PDLIM3: variants seen among roughly 807,000 people sequenced by gnomAD.
The protein encoded by PDLIM3 is PDZ and LIM domain protein 3.
Under a neutral mutation model 37.3 loss-of-function variants are expected in PDLIM3, and 36 were observed. That is an observed-to-expected ratio of 0.97 (90% CI 0.74 to 1.28). The LOEUF is 1.28. Ranked by LOEUF, PDLIM3 falls within the 50% of genes most tolerant of loss-of-function variation. The pLI is 0.00. For synonymous variants in PDLIM3, 174 were observed against 182.4 expected, an observed-to-expected ratio of 0.95 and a Z score of 0.37; for missense variants, 454 against 485.0, an observed-to-expected ratio of 0.94 and a Z score of 0.60.
chr4:185,523,180 C>T (rs1353970695), intron 3 of PDLIM3, 182 bp downstream of exon 3: 1 of 573,698 alleles, frequency 1.7e-6, no homozygotes, highest in African/African-American at 1.9e-5. Flanking sequence ...CACATAGGAA[C>T]ACTTCTTTTT....
Position 185,504,865 on chromosome 4 carries a change from A to G in PDLIM3, c.794-279T>C, listed in dbSNP as rs746133411. Among the ~76,000 whole-genome samples, 1 of 152,242 alleles carries G rather than the reference A, an allele frequency of 6.6e-6. No homozygotes were observed. Among genetic ancestry groups the G allele is most frequent in the Non-Finnish European group, 1.5e-5 (1 of 68,034 alleles). On this transcript the variant is annotated intron_variant, in intron 6 of 7. Transcript: ENST00000284767. This position sits in a 1 kb window ranked among gnomAD's most constrained non-coding sequence, Gnocchi z 4.7. ...TATTTTTTATTGTAGCAAAATATAC[A>G]TAAAATTTACCATTTTCACCATGGT...
At position 185,501,610 on chromosome 4, in the gene PDLIM3, A is replaced by C. The variant is rs1449712093; in HGVS notation, c.*684T>G. On this transcript the variant is annotated 3_prime_UTR_variant, in exon 8 of 8. Coordinates refer to ENST00000284767, the MANE Select transcript of PDLIM3 (RefSeq NM_014476.6). Reference sequence around the variant, plus strand: ...TATCATCAGAAATTTTGTGCTCATAAGAAAGAGTAATGAGTTATAAAACCT... The same window carrying C: ...TATCATCAGAAATTTTGTGCTCATACGAAAGAGTAATGAGTTATAAAACCT... 1 of 152,394 alleles carries C rather than the reference A, an allele frequency of 6.6e-6. No individual in the cohort carries two copies. Among genetic ancestry groups the C allele is most frequent in the Non-Finnish European group, 1.5e-5 (1 of 68,168 alleles). The allele number at this position is 152,394 out of a possible 1,614,324, so 9.4% of individuals were successfully genotyped here.
At chr4:185,512,579 G>A in intron 4 of PDLIM3, 1 of 799,110 alleles carries the variant, frequency 1.3e-6, no homozygotes, top group Non-Finnish European at 1.5e-6. Context: ...ATATACCTAG[G>A]ATTCTCTGAC....
In PDLIM3 at chr4:185,528,992, C is replaced by T. The variant is rs191884791; in HGVS notation, c.94-3821G>A. 2.8e-4 allele frequency among the ~76,000 whole-genome samples: 42 copies of T among 152,158 alleles called. 1 individual carries two copies. The highest frequency in any genetic ancestry group is 2.5e-3 in the Admixed American group (38 of 15,280). On this transcript the variant is annotated intron_variant, in intron 1 of 7. Coordinates refer to ENST00000284767, the MANE Select transcript of PDLIM3 (RefSeq NM_014476.6). ...GCATGCACAGTTTATTACTGTTTTC[C>T]CAAATTAGAAGAGAGAGCTGAAATG...
At chr4:185,508,837 T>A (rs6552887) in intron 4 of PDLIM3, among the ~76,000 whole-genome samples, 2 of 152,208 alleles carry the variant, frequency 1.3e-5, no homozygotes, top group African/African-American at 4.8e-5. Context: ...CAATGTGTAA[T>A]TTGAGGGTTA....
chr4:185,525,018 A>G lies in PDLIM3; in HGVS notation c.245+2T>C. On this transcript the variant is annotated splice_donor_variant, in intron 2 of 7. Transcript: ENST00000284767. LOFTEE classifies it high-confidence loss of function. The stretch of plus-strand genomic sequence containing the variant: ...ATTTAAGCACCATTAGTTAAGAAGC[A>G]CCTGTCAATTTTGAGACACAGCTGG... 6.2e-7 allele frequency: 1 copy of G among 1,614,030 alleles called. No individual in the cohort carries two copies. The highest frequency in any genetic ancestry group is 8.5e-7 in the Non-Finnish European group (1 of 1,179,884).
At chr4:185,525,749 C>G (rs1285942892) in intron 1 of PDLIM3, among the ~76,000 whole-genome samples, 1 of 152,034 alleles carries the variant, frequency 6.6e-6, no homozygotes, top group Non-Finnish European at 1.5e-5. Context: ...GATTAGTGCC[C>G]TTATGAAAAA....
At chr4:185,516,632 T>C (rs2095715467) in intron 3 of PDLIM3, 1 of 152,204 alleles carries the variant, frequency 6.6e-6, no homozygotes. Flanking sequence ...CTGAGTATAC[T>C]CCTTCTTCTA....
At chr4:185,531,985 C>G (rs1183717397) in intron 1 of PDLIM3, among the ~76,000 whole-genome samples, 1 of 150,564 alleles carries the variant, frequency 6.6e-6, no homozygotes, top group Non-Finnish European at 1.5e-5. Flanking sequence ...GTAGTCCCAG[C>G]TACTTGGAAG....
At chr4:185,527,638 T>C (rs1390352491) in intron 1 of PDLIM3, among the ~76,000 whole-genome samples, 1 of 152,214 alleles carries the variant, frequency 6.6e-6, no homozygotes, top group Non-Finnish European at 1.5e-5. Flanking sequence ...AACAAAAGTT[T>C]CCATCCCCAA....
intron 3 of PDLIM3, chr4:185,515,975 A>C (rs1345282301): frequency 6.6e-6 from 1 of 152,078 alleles, no homozygotes; most frequent in Non-Finnish European, 1.5e-5. Flanking sequence ...ATCTCGGCTC[A>C]CTCAAACCTC....
At chr4:185,535,311 T>G in intron 1 of PDLIM3, 31 bp downstream of exon 1, 1 of 1,576,634 alleles carries the variant, frequency 6.3e-7, no homozygotes, top group South Asian at 1.1e-5. Flanking sequence ...AGTCCCCACC[T>G]CGCAGCAAAA....
At position 185,523,179 on chromosome 4, in the gene PDLIM3, A is replaced by G. The variant is rs563607847; in HGVS notation, c.330+183T>C. On this transcript the variant is annotated intron_variant, in intron 3 of 7. Coordinates refer to ENST00000284767, the MANE Select transcript of PDLIM3 (RefSeq NM_014476.6). Reference sequence around the variant, plus strand: ...CTTTCAACAAGATGTTCACATAGGAACACTTCTTTTTCTTGATGTAAGAAA... The same window carrying G: ...CTTTCAACAAGATGTTCACATAGGAGCACTTCTTTTTCTTGATGTAAGAAA... 1.1e-3 allele frequency: 619 copies of G among 575,848 alleles called. 8 individuals carry two copies. In the South Asian group the frequency reaches 0.012, roughly 11 times the overall value. 35.7% of individuals were successfully genotyped at this position (575,848 alleles called of 1,614,324 possible).
chr4:185,515,519 A>C (rs752437414), intron 3 of PDLIM3: 3 of 152,246 alleles, frequency 2.0e-5, no homozygotes, highest in African/African-American at 7.2e-5. Context: ...GAAAGCGGGA[A>C]TAACATATAC....
intron 1 of PDLIM3, among the ~76,000 whole-genome samples, chr4:185,525,469 T>A (rs2095731611): frequency 6.6e-6 from 1 of 152,220 alleles, no homozygotes; most frequent in African/African-American, 2.4e-5. Flanking sequence ...AAAAAATTAT[T>A]TTTTATTTTT....
chr4:185,530,692 TA>T (rs2067747278), intron 1 of PDLIM3, among the ~76,000 whole-genome samples: 1 of 152,200 alleles, frequency 6.6e-6, no homozygotes, highest in African/African-American at 2.4e-5. Context: ...AAACAACTCA[TA>T]AGTGTTAAAT....
intron 1 of PDLIM3, 92 bp downstream of exon 1, chr4:185,535,250 T>G: frequency 8.3e-7 from 1 of 1,204,664 alleles, no homozygotes; most frequent in African/African-American, 1.6e-5. Flanking sequence ...GCGCGCTTTC[T>G]GGCCGCCCTC....
chr4:185,502,708 A>C (rs528985819), intron 7 of PDLIM3, among the ~76,000 whole-genome samples: 2 of 152,290 alleles, frequency 1.3e-5, no homozygotes, highest in Admixed American at 1.3e-4. Flanking sequence ...TTGACGTGTG[A>C]CTATTTTTCA....
At chr4:185,507,131 G>GT (rs930983403) in intron 5 of PDLIM3, 3 of 155,342 alleles carry the variant, frequency 1.9e-5, no homozygotes, top group African/African-American at 7.2e-5. Flanking sequence ...GGTTTAATAT[G>GT]TTTTTAGTTT....
Sources: allele counts gnomAD v4.1 joint callset (sites outside exome capture counted in the v4.1 genomes callset), GRCh38; gene constraint gnomAD v4.1.1; non-coding constraint Gnocchi (gnomAD v3.1); transcripts MANE v1.5; gene names NCBI Gene and HGNC (gene_info 2026-07-23, HGNC 2026-07-21).